The following MUC12 variants were observed in gnomAD, a reference collection of about 807,000 sequenced individuals.
MUC12 encodes mucin-12.
Under a neutral mutation model 230.8 loss-of-function variants are expected in MUC12, and 172 were observed. The observed-to-expected ratio is 0.75, with a 90% confidence interval of 0.66 to 0.85. The LOEUF (loss-of-function observed/expected upper bound fraction) is 0.85, where lower values mean the gene tolerates loss of function less well. MUC12 is among the 40% of genes least tolerant of loss of function. MUC12 has a pLI of 0.00. For missense variants in MUC12, 3,506 were observed against 5,920.6 expected (o/e 0.59, Z 13.38); for synonymous variants, 1,259 against 2,401.9 (o/e 0.52, Z 13.91).
At position 101,004,525 on chromosome 7, in the gene MUC12, A is replaced by G. The variant is rs1386302888; in HGVS notation, c.13962A>G (p.Glu4654=). ...PPSTTSALVE[E]PTSYHSSPGS... is the part of the protein sequence containing the mutation. ...GCACCACATCTGCCCTTGTTGAAGA[A>G]CCTACCAGCTACCACAGCAGCCCGG... The change falls in exon 2 of 12, where the codon GAA becomes GAG. Residue 4654 remains glutamate (E), a synonymous_variant. Transcript: ENST00000536621. 4 of 1,536,236 alleles carry G rather than the reference A, an allele frequency of 2.6e-6. No individual in the cohort carries two copies. Among genetic ancestry groups the G allele is most frequent in the Non-Finnish European group, 3.5e-6 (4 of 1,146,608 alleles).
Position 100,995,614 on chromosome 7 carries a change from G to T in MUC12, c.5051G>T (p.Gly1684Val), listed in dbSNP as rs368212676. The T allele has an allele frequency of 4.4e-5, 67 of 1,536,716 alleles. No homozygotes were observed. The South Asian group carries it at 4.6e-4, about 11-fold the overall frequency. The change falls in exon 2 of 12, where the codon GGA (glycine) becomes GTA (valine). Residue 1684 changes from glycine (G) to valine (V), a missense_variant. Coordinates refer to ENST00000536621, the MANE Select transcript of MUC12 (RefSeq NM_001164462.2). ...CCTGCCGGCTCTACAACACGTCAGG[G>T]AGAATCTACCACCTTCCAGAGCTGG... ...LSPAGSTTRQGESTTFQSWPS... is the reference protein window; with the variant it reads ...LSPAGSTTRQVESTTFQSWPS...
At position 101,005,227 on chromosome 7, in the gene MUC12, TCA is replaced by T; in HGVS notation, c.14669_14670del (p.Thr4890SerfsTer69). 2 of 1,537,832 alleles carry T rather than the reference TCA, an allele frequency of 1.3e-6. No individual in the cohort carries two copies. The highest frequency in any genetic ancestry group is 2.4e-5 in the East Asian group (1 of 40,920). ...CCTTCCCTGACAGCCCAGGCTTCACTCACACAGTGTTACCTGCCACCCTCACA... is the reference window on the plus strand; with the variant it reads ...CCTTCCCTGACAGCCCAGGCTTCACTCACAGTGTTACCTGCCACCCTCACA... The part of the protein sequence containing the change: ...TPFPDSPGFT[H>X]TVLPATLTTT... On this transcript the variant is annotated frameshift_variant, in exon 2 of 12. Transcript: ENST00000536621. LOFTEE classifies it high-confidence loss of function.
Position 100,991,844 on chromosome 7 carries a change from C to T in MUC12, c.1281C>T (p.Ser427=), listed in dbSNP as rs1456700954. Residue 427 remains serine (S), a synonymous_variant, in exon 2 of 12, where the codon AGC becomes AGT. Coordinates refer to ENST00000536621, the MANE Select transcript of MUC12 (RefSeq NM_001164462.2). The part of the protein sequence containing the change: ...GSTETTHFRD[S]STISGRSEES... Reference sequence around the variant, plus strand: ...CTGAAACAACACACTTCCGTGATAGCTCCACAATCTCAGGCCGTAGTGAGG... The same window carrying T: ...CTGAAACAACACACTTCCGTGATAGTTCCACAATCTCAGGCCGTAGTGAGG... The T allele has an allele frequency of 3.9e-6, 6 of 1,537,578 alleles. No homozygotes were observed. The highest frequency in any genetic ancestry group is 2.6e-6 in the Non-Finnish European group (3 of 1,146,848).
chr7:101,007,754 T>C (rs1467654043), intron 3 of MUC12, among the ~76,000 whole-genome samples: 1 of 152,208 alleles, frequency 6.6e-6, no homozygotes, highest in Non-Finnish European at 1.5e-5. Flanking sequence ...TTCTTTTGGG[T>C]ATATACCCAG....
rs1401974272 is a variant in MUC12, at chr7:101,005,355, G to A, written c.14792G>A (p.Gly4931Glu). ...CGCTCCACAGCCTCAGACCTTGTTG[G>A]AGAACCTACAACTTTCTACATCAGC... ...PARSTASDLV[G>E]EPTTFYISPS... Residue 4931 changes from glycine (G) to glutamate (E), a missense_variant, in exon 2 of 12, where the codon GGA becomes GAA. Physicochemically the swap from Gly to Glu is moderately conservative, Grantham distance 98. Coordinates refer to ENST00000536621, the MANE Select transcript of MUC12 (RefSeq NM_001164462.2). 6 of 1,537,726 alleles carry A rather than the reference G, an allele frequency of 3.9e-6. No homozygotes were observed. In the East Asian group the frequency reaches 7.3e-5, roughly 19 times the overall value.
chr7:100,995,714 C>A lies in MUC12; in HGVS notation c.5151C>A (p.His1717Gln), dbSNP rs373887154. 2 of 1,536,872 alleles carry A rather than the reference C, an allele frequency of 1.3e-6. No individual in the cohort carries two copies. Among genetic ancestry groups the A allele is most frequent in the Admixed American group, 2.0e-5 (1 of 50,958 alleles). ...TTGTTGAGCTATCTACAACCTCCCA[C>A]GGCAGCCCGAGCTCAACTCCAACAA... Reference protein sequence around the residue: ...SAFVELSTTSHGSPSSTPTTH... With the variant: ...SAFVELSTTSQGSPSSTPTTH... Residue 1717 changes from histidine to glutamine, a missense_variant, in exon 2 of 12, where the codon CAC becomes CAA. Physicochemically the swap from His to Gln is conservative, Grantham distance 24 (BLOSUM62 0). Coordinates refer to ENST00000536621, the MANE Select transcript of MUC12 (RefSeq NM_001164462.2).
intron 1 of MUC12, among the ~76,000 whole-genome samples, chr7:100,989,912 C>T (rs1793252272): frequency 6.6e-6 from 1 of 152,220 alleles, no homozygotes; most frequent in South Asian, 2.1e-4. Context: ...AAACTGGTCT[C>T]AAACTCCTGA....
chr7:101,008,774 C>G lies in MUC12; in HGVS notation c.15186+13C>G, dbSNP rs1441483206. On this transcript the variant is annotated intron_variant, in intron 4 of 11. Transcript: ENST00000536621. ...CTTCAAGAATCGGGTAAGACCAGGG[C>G]ACACCCAGACACCCCAGGGTGATGT... 2 of 1,535,032 alleles carry G rather than the reference C, an allele frequency of 1.3e-6. No individual in the cohort carries two copies. Among genetic ancestry groups the G allele is most frequent in the Non-Finnish European group, 1.7e-6 (2 of 1,145,774 alleles).
At chr7:101,016,938 G>C (rs1476134659) in intron 10 of MUC12, 1 of 152,638 alleles carries the variant, frequency 6.6e-6, no homozygotes, top group Non-Finnish European at 1.5e-5. Flanking sequence ...CCACGTACTG[G>C]AATAGAGGTT....
chr7:101,016,658 T>G (rs952045401), intron 10 of MUC12, among the ~76,000 whole-genome samples: 2 of 127,856 alleles, frequency 1.6e-5, no homozygotes, highest in Non-Finnish European at 3.2e-5. Flanking sequence ...CAGGGAGCAC[T>G]AAAGCAGGGA....
Position 100,991,555 on chromosome 7 carries a change from C to A in MUC12, c.992C>A (p.Thr331Lys). The A allele has an allele frequency of 1.3e-6, 2 of 1,537,362 alleles. 1 individual carries two copies. Among genetic ancestry groups the A allele is most frequent in the South Asian group, 2.4e-5 (2 of 84,044 alleles). ...ACCTTGGGCCATAGTGAGGAATCGA[C>A]ACCAGTCCACAGCAGCCCAGTTGCA... ...STTLGHSEES[T>K]PVHSSPVATA... Residue 331 changes from threonine to lysine, a missense_variant, in exon 2 of 12, where the codon ACA (threonine) becomes AAA (lysine). Thr to Lys is a moderately conservative substitution (Grantham distance 78). Coordinates refer to ENST00000536621, the MANE Select transcript of MUC12 (RefSeq NM_001164462.2).
At chr7:101,018,356 C>A (rs1793986473) in intron 11 of MUC12, among the ~76,000 whole-genome samples, 1 of 132,926 alleles carries the variant, frequency 7.5e-6, no homozygotes. Flanking sequence ...GGACTCCCTC[C>A]CTTCTCCTGG....
In MUC12 at chr7:101,008,787, C is replaced by A. The variant is rs772561367; in HGVS notation, c.15186+26C>A. ...GTAAGACCAGGGCACACCCAGACAC[C>A]CCAGGGTGATGTCCCACGTGAGAGG... On this transcript the variant is annotated intron_variant, in intron 4 of 11. Transcript: ENST00000536621. 2.0e-6 allele frequency: 3 copies of A among 1,528,774 alleles called. No homozygotes were observed. The South Asian group carries it at 3.6e-5, about 18-fold the overall frequency. 94.7% of individuals were successfully genotyped at this position (1,528,774 alleles called of 1,614,324 possible).
intron 1 of MUC12, among the ~76,000 whole-genome samples, chr7:100,988,675 G>T (rs1435117821): frequency 1.3e-5 from 2 of 152,190 alleles, no homozygotes; most frequent in Admixed American, 1.3e-4. Flanking sequence ...GGTGGCAGCT[G>T]CAGGGTTAGA....
In MUC12 at chr7:100,995,583, C is replaced by T. The variant is rs1318799729; in HGVS notation, c.5020C>T (p.Leu1674=). The change falls in exon 2 of 12, where the codon CTG becomes TTG. Residue 1674 remains leucine, a synonymous_variant. Transcript: ENST00000536621. The part of the protein sequence containing the change: ...HSSTGSPHTT[L]SPAGSTTRQG... ...CAGCACTGGATCGCCACACACAACA[C>T]TGTCCCCTGCCGGCTCTACAACACG... The T allele has an allele frequency of 1.3e-6, 2 of 1,536,996 alleles. No homozygotes were observed. The highest frequency in any genetic ancestry group is 4.9e-5 in the East Asian group (2 of 40,908).
At chr7:100,985,353 G>A (rs915394469) in intron 1 of MUC12, among the ~76,000 whole-genome samples, 4 of 152,292 alleles carry the variant, frequency 2.6e-5, no homozygotes, top group East Asian at 3.9e-4. Flanking sequence ...CATCAAGTGC[G>A]GGGTCTGCAA....
Position 100,992,103 on chromosome 7 carries a change from A to G in MUC12, c.1540A>G (p.Ser514Gly). The change falls in exon 2 of 12, where the codon AGC (serine) becomes GGC (glycine). Residue 514 changes from serine (S) to glycine (G), a missense_variant. Coordinates refer to ENST00000536621, the MANE Select transcript of MUC12 (RefSeq NM_001164462.2). ...DTTHLPASMT[S>G]SGVSEESTTS... ...AACACACTTACCTGCCAGCATGACAAGCTCAGGCGTCAGTGAAGAATCCAC... is the reference window on the plus strand; with the variant it reads ...AACACACTTACCTGCCAGCATGACAGGCTCAGGCGTCAGTGAAGAATCCAC... 2 of 1,537,320 alleles carry G rather than the reference A, an allele frequency of 1.3e-6. No homozygotes were observed.
At position 100,991,224 on chromosome 7, in the gene MUC12, TCTA is replaced by T. The variant is rs1435539678; in HGVS notation, c.666_668del (p.Thr223del). 6.5e-7 allele frequency: 1 copy of T among 1,537,256 alleles called. No individual in the cohort carries two copies. The highest frequency in any genetic ancestry group is 8.7e-7 in the Non-Finnish European group (1 of 1,146,924). On this transcript the variant is annotated inframe_deletion, in exon 2 of 12. Transcript: ENST00000536621. Reference sequence around the variant, plus strand: ...CACACCATCATCCCTTGGTCCAGAATCTACTACCTTCCACAGCAGCCCAGGCTA... The same window carrying T: ...CACACCATCATCCCTTGGTCCAGAATCTACCTTCCACAGCAGCCCAGGCTA...
At chr7:100,970,869 C>T (rs371685785) in intron 1 of MUC12, among the ~76,000 whole-genome samples, 9 of 152,048 alleles carry the variant, frequency 5.9e-5, no homozygotes, top group Admixed American at 3.3e-4. Context: ...AGGTGGCGGG[C>T]ACCTGTAGTC....
Sources: gnomAD v4.1 joint callset for allele counts (sites outside exome capture counted in the v4.1 genomes callset) on GRCh38, gnomAD v4.1.1 for gene constraint, MANE v1.5 for transcripts, NCBI Gene and HGNC (gene_info 2026-07-23, HGNC 2026-07-21) for gene names.